The following NECTIN3 variants were observed in gnomAD, a reference collection of about 807,000 sequenced individuals.
The protein encoded by NECTIN3 is nectin-3.
A neutral mutation model predicts 49.4 loss-of-function variants in NECTIN3; 8 were observed. That is an observed-to-expected ratio of 0.16 (90% CI 0.10 to 0.29). The LOEUF (loss-of-function observed/expected upper bound fraction) is 0.29. Ranked by LOEUF, NECTIN3 falls within the 10% of genes least tolerant of loss-of-function variation. The pLI is 1.00. For missense variants in NECTIN3, 581 were observed against 654.6 expected (o/e 0.89, Z 1.23); for synonymous variants, 277 against 241.1 (o/e 1.15, Z -1.38).
At chr3:111,140,200 T>C (rs1258550088), downstream of NECTIN3, among the ~76,000 whole-genome samples, 2 of 147,766 alleles carry the variant, frequency 1.4e-5, no homozygotes, top group East Asian at 3.9e-4. Context: ...TTAGAGTTTA[T>C]CTTTATGTTC....
At chr3:111,086,620 A>T (rs2031946441) in intron 1 of NECTIN3, among the ~76,000 whole-genome samples, 1 of 152,208 alleles carries the variant, frequency 6.6e-6, no homozygotes. Context: ...CTGTACAAGT[A>T]TCATAATGTC....
At chr3:111,129,312 A>G (rs554977649) in intron 5 of NECTIN3, among the ~76,000 whole-genome samples, 2 of 152,230 alleles carry the variant, frequency 1.3e-5, no homozygotes, top group African/African-American at 4.8e-5. Flanking sequence ...ATTGCCATGT[A>G]ACCCCATGTA....
At chr3:111,142,901 A>C (rs1014895216) in intron 5 of NECTIN3, among the ~76,000 whole-genome samples, 1 of 151,876 alleles carries the variant, frequency 6.6e-6, no homozygotes, top group Non-Finnish European at 1.5e-5. Context: ...GCAAAAGAAA[A>C]ATTTCCAAGA....
chr3:111,193,050 T>C (rs2035840936), intron 1 of NECTIN3: 1 of 667,392 alleles, frequency 1.5e-6, no homozygotes, highest in Non-Finnish European at 2.5e-6. Flanking sequence ...AAAATATAAG[T>C]TGTTGAACTT....
intron 7 of NECTIN3, among the ~76,000 whole-genome samples, chr3:111,182,874 T>C (rs1268180370): frequency 6.6e-6 from 1 of 152,092 alleles, no homozygotes; most frequent in East Asian, 1.9e-4. Flanking sequence ...AAGTCCATCA[T>C]CTTGTTATTT....
chr3:111,115,914 G>A (rs1046465622), intron 2 of NECTIN3, among the ~76,000 whole-genome samples: 4 of 142,452 alleles, frequency 2.8e-5, no homozygotes, highest in African/African-American at 1.0e-4. Flanking sequence ...TTCTGTTACT[G>A]CTAGTTAAAT....
intron 1 of NECTIN3, among the ~76,000 whole-genome samples, chr3:111,086,960 C>G (rs1471232471): frequency 6.6e-6 from 1 of 151,860 alleles, no homozygotes; most frequent in African/African-American, 2.4e-5. Context: ...TAAACTTAAT[C>G]TAATTTTAAT....
At chr3:111,076,961 GCAAGA>G (rs1448447495) in intron 1 of NECTIN3, among the ~76,000 whole-genome samples, 2 of 145,894 alleles carry the variant, frequency 1.4e-5, no homozygotes, top group African/African-American at 5.1e-5. Flanking sequence ...GGGTGACGGA[GCAAGA>G]CTCCGTCTCA....
At chr3:111,147,673 T>G (rs578153903) in intron 7 of NECTIN3, among the ~76,000 whole-genome samples, 46 of 152,310 alleles carry the variant, frequency 3.0e-4, no homozygotes, top group African/African-American at 8.9e-4. Flanking sequence ...TTTAACATGC[T>G]CAGTCATTTC....
At chr3:111,157,816 G>A (rs1245958493) in intron 7 of NECTIN3, among the ~76,000 whole-genome samples, 1 of 152,018 alleles carries the variant, frequency 6.6e-6, no homozygotes, top group Non-Finnish European at 1.5e-5. Context: ...AATATAGATA[G>A]TAAATTGAAA....
intron 7 of NECTIN3, among the ~76,000 whole-genome samples, chr3:111,159,352 C>T (rs1664483366): frequency 1.3e-5 from 2 of 152,140 alleles, no homozygotes; most frequent in Admixed American, 6.5e-5. Context: ...GTTTTTGGCT[C>T]ACAAAAAGTG....
At chr3:111,166,600 G>A (rs2035323914) in intron 7 of NECTIN3, among the ~76,000 whole-genome samples, 1 of 152,182 alleles carries the variant, frequency 6.6e-6, no homozygotes, top group Admixed American at 6.5e-5. Context: ...CCTACTTGAT[G>A]TTTATCTAAT....
Position 111,119,340 on chromosome 3 carries a change from G to A in NECTIN3, c.799+388G>A, listed in dbSNP as rs575979992. Among the ~76,000 whole-genome samples the A allele has an allele frequency of 2.6e-5, 4 of 152,268 alleles. No homozygotes were observed. The South Asian group carries it at 8.3e-4, about 32-fold the overall frequency. On this transcript the variant is annotated intron_variant, in intron 3 of 5. Coordinates refer to ENST00000485303, the MANE Select transcript of NECTIN3 (RefSeq NM_015480.3). ...TCCTTGTTGTTGGTGTTTTTGAGATGGAATCTTGCTCTGCCGCCAGGCTGG... is the reference window on the plus strand; with the variant it reads ...TCCTTGTTGTTGGTGTTTTTGAGATAGAATCTTGCTCTGCCGCCAGGCTGG...
intron 7 of NECTIN3, among the ~76,000 whole-genome samples, chr3:111,162,446 A>T (rs986305930): frequency 1.3e-5 from 2 of 152,118 alleles, no homozygotes; most frequent in Non-Finnish European, 2.9e-5. Context: ...CCTTTTGCTA[A>T]TGTGAAGAAG....
At chr3:111,119,924 C>G (rs1296532059) in intron 3 of NECTIN3, among the ~76,000 whole-genome samples, 2 of 152,140 alleles carry the variant, frequency 1.3e-5, no homozygotes, top group African/African-American at 4.8e-5. Context: ...TTAAATTACA[C>G]ATATTCATTA....
At chr3:111,091,453 T>G (rs2032266030) in intron 1 of NECTIN3, among the ~76,000 whole-genome samples, 1 of 152,014 alleles carries the variant, frequency 6.6e-6, no homozygotes, top group African/African-American at 2.4e-5. Context: ...GGGGTTTCAC[T>G]GTGTTAGCCT....
At chr3:111,072,434 G>A (rs930889949) in intron 1 of NECTIN3, 3 of 1,533,610 alleles carry the variant, frequency 2.0e-6, no homozygotes, top group Middle Eastern at 1.7e-4. Flanking sequence ...CCGAGGGTTG[G>A]CGATGGTGCT....
chr3:111,093,258 T>G (rs1005142885), intron 1 of NECTIN3, among the ~76,000 whole-genome samples: 2 of 152,070 alleles, frequency 1.3e-5, no homozygotes, highest in African/African-American at 4.8e-5. Flanking sequence ...GAGAAATACT[T>G]AAAGGAATTC....
intron 2 of NECTIN3, among the ~76,000 whole-genome samples, chr3:111,112,989 T>C (rs757522543): frequency 2.0e-5 from 3 of 152,196 alleles, no homozygotes; most frequent in Non-Finnish European, 4.4e-5. Context: ...TTTGAAATGA[T>C]AGAAATGAAG....
Sources: allele counts gnomAD v4.1 joint callset (sites outside exome capture counted in the v4.1 genomes callset), GRCh38; gene constraint gnomAD v4.1.1; transcripts MANE v1.5; gene names NCBI Gene and HGNC (gene_info 2026-07-23, HGNC 2026-07-21).